The following POMK variants were observed in gnomAD, a reference collection of about 807,000 sequenced individuals.
The protein encoded by POMK is Sugen kinase 196.
A neutral mutation model predicts 23.0 loss-of-function variants in POMK; 19 were observed. The observed-to-expected ratio is 0.83, with a 90% CI of 0.58 to 1.21. The LOEUF is 1.21. Ranked by LOEUF, POMK falls within the 50% of genes most tolerant of loss-of-function variation. The probability of loss-of-function intolerance (pLI) is 0.00; values close to 1 mark genes in which losing one functional copy is unlikely to be tolerated. For missense variants in POMK, 410 were observed against 431.3 expected, an observed-to-expected ratio of 0.95 and a Z score of 0.44; for synonymous variants, 173 against 171.6, an observed-to-expected ratio of 1.01 and a Z score of -0.06.
At chr8:43,106,633 C>T (rs1811549788) in intron 4 of POMK, among the ~76,000 whole-genome samples, 1 of 151,930 alleles carries the variant, frequency 6.6e-6, no homozygotes, top group Admixed American at 6.6e-5. Flanking sequence ...CCTCAGCCTC[C>T]TGAGTAGCTG....
intron 2 of POMK, among the ~76,000 whole-genome samples, chr8:43,098,454 A>AT (rs1221103407): frequency 6.6e-6 from 1 of 152,168 alleles, no homozygotes; most frequent in African/African-American, 2.4e-5. Context: ...TTAGTGCTTT[A>AT]TTTTTTATGG....
At chr8:43,106,974 C>G (rs915165615) in intron 4 of POMK, among the ~76,000 whole-genome samples, 2 of 152,188 alleles carry the variant, frequency 1.3e-5, no homozygotes, top group Non-Finnish European at 2.9e-5. Flanking sequence ...AGGAGTAGAA[C>G]TGCTTTGCAG....
chr8:43,113,997 C>G (rs1020510869), intron 4 of POMK, among the ~76,000 whole-genome samples: 6 of 152,152 alleles, frequency 3.9e-5, no homozygotes, highest in South Asian at 2.1e-4. Context: ...GTACCCGGCC[C>G]CGTGAGGTGT....
chr8:43,107,503 T>G (rs1811567532), intron 4 of POMK, among the ~76,000 whole-genome samples: 1 of 150,720 alleles, frequency 6.6e-6, no homozygotes, highest in South Asian at 2.1e-4. Flanking sequence ...GCCTCCTGAG[T>G]AGCTGGGATT....
chr8:43,117,281 G>A (rs1435788341), intron 4 of POMK, among the ~76,000 whole-genome samples: 1 of 152,196 alleles, frequency 6.6e-6, no homozygotes, highest in Non-Finnish European at 1.5e-5. Context: ...GCGATGGCTT[G>A]GCTTGGGCTC....
chr8:43,123,045 A>C lies in POMK; in HGVS notation c.*168A>C. ...ACATGTACGTTTGTATGTAGTCCAC[A>C]TTGGTTGTTAGATTTTTTTTTTTTT... is the stretch of plus-strand genomic sequence containing the variant. On this transcript the variant is annotated 3_prime_UTR_variant, in exon 5 of 5. Transcript: ENST00000331373. 1.6e-6 allele frequency: 1 copy of C among 606,812 alleles called. No individual in the cohort carries two copies. The highest frequency in any genetic ancestry group is 2.8e-6 in the Non-Finnish European group (1 of 353,428). 37.6% of individuals were successfully genotyped at this position (606,812 alleles called of 1,614,324 possible). A position where few individuals can be genotyped will look rare whatever the true frequency, so the allele number is the denominator to read the frequency against.
Position 43,108,955 on chromosome 8 carries a change from A to G in POMK, c.282+5125A>G, listed in dbSNP as rs756326559. Among the ~76,000 whole-genome samples, 72 of 152,362 alleles carry G rather than the reference A, an allele frequency of 4.7e-4. 1 individual carries two copies. The highest frequency in any genetic ancestry group is 3.4e-3 in the Middle Eastern group (1 of 294). On this transcript the variant is annotated intron_variant, in intron 4 of 4. Transcript: ENST00000331373. ...TATCAGAATTGTAGGAATTTTATAC[A>G]GTTTTGCAGCACGTAACTTTATATC...
chr8:43,107,213 GAAAAA>G (rs888849946), intron 4 of POMK, among the ~76,000 whole-genome samples: 2 of 146,858 alleles, frequency 1.4e-5, no homozygotes, highest in African/African-American at 5.0e-5. Context: ...CTAAATTGAA[GAAAAA>G]AAAAACTAAC....
intron 3 of POMK, 71 bp from the exon 4 acceptor site, chr8:43,103,457 G>T (rs1811482781): frequency 6.9e-7 from 1 of 1,458,930 alleles, no homozygotes; most frequent in South Asian, 1.2e-5. Flanking sequence ...AGAGGCATCA[G>T]AACACATTTT....
At chr8:43,110,264 G>A (rs1341907131) in intron 4 of POMK, among the ~76,000 whole-genome samples, 1 of 152,336 alleles carries the variant, frequency 6.6e-6, no homozygotes, top group African/African-American at 2.4e-5. Context: ...TGGAAAGCCT[G>A]GTGAGTAAGC....
At chr8:43,117,328 A>T (rs943637129) in intron 4 of POMK, among the ~76,000 whole-genome samples, 1 of 152,020 alleles carries the variant, frequency 6.6e-6, no homozygotes, top group East Asian at 1.9e-4. Flanking sequence ...AAGAAAAATC[A>T]TAAGAAAAAA....
chr8:43,103,573 A>T lies in POMK; in HGVS notation c.25A>T (p.Arg9Trp). MEKQPQNS[R>W]RGLAPREVPP... ...CATGGAAAAGCAGCCCCAGAACAGC[A>T]GGAGAGGCCTCGCCCCCCGAGAGGT... The change falls in exon 4 of 5, where the codon AGG becomes TGG. Residue 9 changes from arginine to tryptophan, a missense_variant. Coordinates refer to ENST00000331373, the MANE Select transcript of POMK (RefSeq NM_032237.5). 6.2e-7 allele frequency: 1 copy of T among 1,613,870 alleles called. No individual in the cohort carries two copies. The highest frequency in any genetic ancestry group is 1.3e-5 in the African/African-American group (1 of 74,930).
In POMK at chr8:43,123,385, A is replaced by T. The variant is rs887058698; in HGVS notation, c.*508A>T. 1 of 153,364 alleles carries T rather than the reference A, an allele frequency of 6.5e-6. No homozygotes were observed. The highest frequency in any genetic ancestry group is 1.5e-5 in the Non-Finnish European group (1 of 68,886). The allele number at this position is 153,364 out of a possible 1,614,324, so 9.5% of individuals were successfully genotyped here. A position where few individuals can be genotyped will look rare whatever the true frequency, so the allele number is the denominator to read the frequency against. ...TTTGTAGTTTCCAAAGTTTCTCGTT[A>T]TTGATTTCTACTTTTCTTCCATTGT... On this transcript the variant is annotated 3_prime_UTR_variant, in exon 5 of 5. Coordinates refer to ENST00000331373, the MANE Select transcript of POMK (RefSeq NM_032237.5).
intron 4 of POMK, among the ~76,000 whole-genome samples, chr8:43,117,020 G>A (rs866275873): frequency 1.3e-5 from 2 of 152,100 alleles, no homozygotes; most frequent in African/African-American, 4.8e-5. Context: ...GGTGCTCAGT[G>A]GGGGAGCTTT....
intron 4 of POMK, among the ~76,000 whole-genome samples, chr8:43,109,212 T>G (rs1392904344): frequency 6.6e-6 from 1 of 152,212 alleles, no homozygotes; most frequent in Non-Finnish European, 1.5e-5. Flanking sequence ...TTTCCGTAAG[T>G]CATTCATTTA....
At chr8:43,094,522 T>C (rs1387646917) in intron 1 of POMK, among the ~76,000 whole-genome samples, 2 of 152,146 alleles carry the variant, frequency 1.3e-5, no homozygotes, top group African/African-American at 4.8e-5. Context: ...AAAGCAAAAT[T>C]TCGCTGTTTT....
rs764770753 is a variant in POMK at position 43,103,783 on chromosome 8, A to G, written c.235A>G (p.Thr79Ala). ...SPWLSCEELRTEVRQLKRVGE... is the reference protein window; with the variant it reads ...SPWLSCEELRAEVRQLKRVGE... The stretch of plus-strand genomic sequence containing the variant: ...TTGGCTGTCCTGCGAGGAGCTGAGA[A>G]CAGAAGTGAGACAGCTGAAGCGTGT... Residue 79 changes from threonine to alanine, a missense_variant, in exon 4 of 5, where the codon ACA becomes GCA. Coordinates refer to ENST00000331373, the MANE Select transcript of POMK (RefSeq NM_032237.5). 8.1e-6 allele frequency: 13 copies of G among 1,614,236 alleles called. No homozygotes were observed. The South Asian group carries it at 1.4e-4, about 18-fold the overall frequency.
At chr8:43,104,727 T>C (rs1442743858) in intron 4 of POMK, among the ~76,000 whole-genome samples, 1 of 152,146 alleles carries the variant, frequency 6.6e-6, no homozygotes, top group Admixed American at 6.6e-5. Flanking sequence ...GGCGGATTAC[T>C]TAAGCACAGG....
intron 4 of POMK, among the ~76,000 whole-genome samples, chr8:43,119,710 C>T (rs758492666): frequency 5.3e-5 from 8 of 152,026 alleles, no homozygotes; most frequent in Admixed American, 2.6e-4. Context: ...GGATTACAGG[C>T]GTGAGCCACC....
Sources: gnomAD v4.1 joint callset for allele counts (sites outside exome capture counted in the v4.1 genomes callset) on GRCh38, gnomAD v4.1.1 for gene constraint, MANE v1.5 for transcripts, NCBI Gene and HGNC (gene_info 2026-07-23, HGNC 2026-07-21) for gene names.